Variants in SYTL2 observed in about 807,000 individuals in gnomAD.
SYTL2 encodes the protein synaptotagmin-like protein 2.
A neutral mutation model predicts 198.7 loss-of-function variants in SYTL2; 165 were observed. The ratio of observed to expected loss-of-function variants is 0.83; its 90% CI spans 0.73 to 0.94. SYTL2 has a LOEUF of 0.94. Among genes scored for constraint, SYTL2 ranks in the 40% least tolerant of loss-of-function variants. The probability of loss-of-function intolerance (pLI) is 0.00; values close to 1 mark genes in which losing one functional copy is unlikely to be tolerated. For missense variants in SYTL2, 2,835 were observed against 2,582.8 expected (o/e 1.10, Z -2.12); for synonymous variants, 966 against 917.7 (o/e 1.05, Z -0.95).
At chr11:85,764,212 G>C (rs961418094) in intron 1 of SYTL2, among the ~76,000 whole-genome samples, 2 of 152,168 alleles carry the variant, frequency 1.3e-5, no homozygotes, top group East Asian at 1.9e-4. Flanking sequence ...CTTAGTTGAG[G>C]GGATAAAAAA....
At chr11:85,755,672 A>G (rs1591923929) in intron 2 of SYTL2, among the ~76,000 whole-genome samples, 1 of 152,186 alleles carries the variant, frequency 6.6e-6, no homozygotes, top group African/African-American at 2.4e-5. Flanking sequence ...TCATCAACCA[A>G]TGCAAGTGCC....
the SYTL2 span, among the ~76,000 whole-genome samples, chr11:85,842,332 T>A: frequency 6.6e-6 from 1 of 152,214 alleles, no homozygotes; most frequent in Non-Finnish European, 1.5e-5. Flanking sequence ...TTAGCCCCTG[T>A]AGGCTATTGG....
Position 85,802,220 on chromosome 11 carries a change from C to CTTT in SYTL2, c.-390+8731_-390+8733dup, listed in dbSNP as rs5793172. On this transcript the variant is annotated intron_variant, in intron 1 of 19. Coordinates refer to ENST00000359152, the MANE Select transcript of SYTL2 (RefSeq NM_206927.4). ...CACTCTCTTTTCTTCTTTTTCTTTT[C>CTTT]TTTTTTTTTTTTTTTTTGTGAGCCG... Among the ~76,000 whole-genome samples the CTTT allele has an allele frequency of 3.9e-4, 48 of 122,554 alleles. 1 individual carries two copies. The highest frequency in any genetic ancestry group is 5.5e-4 in the African/African-American group (18 of 32,570). 80.4% of individuals were successfully genotyped at this position (122,554 alleles called of 152,430 possible).
chr11:85,782,170 A>G (rs921754647), intron 1 of SYTL2, among the ~76,000 whole-genome samples: 22 of 152,254 alleles, frequency 1.4e-4, no homozygotes, highest in African/African-American at 5.3e-4. Context: ...CCAAACGTCA[A>G]TTCTTGACTT....
intron 2 of SYTL2, among the ~76,000 whole-genome samples, chr11:85,754,847 C>A (rs2091762300): frequency 6.6e-6 from 1 of 152,154 alleles, no homozygotes; most frequent in African/African-American, 2.4e-5. Context: ...CAAACCCTTA[C>A]TGTTCCTTTC....
chr11:85,755,598 T>C (rs1468293965), intron 2 of SYTL2, among the ~76,000 whole-genome samples: 7 of 152,142 alleles, frequency 4.6e-5, no homozygotes, highest in Non-Finnish European at 7.4e-5. Flanking sequence ...TGCCAGAGGG[T>C]ACACACTCAC....
Position 85,709,369 on chromosome 11 carries a change from G to C in SYTL2, c.5877C>G (p.Asp1959Glu), listed in dbSNP as rs116273188. ...GTTTTTTTACATCCGCTGCTGCTAA[G>C]TCCTTACACTGGGCCACAAAAACAT... ...ELHVFVAQCK[D>E]LAAADVKKQR... The change falls in exon 14 of 20, where the codon GAC becomes GAG. Residue 1959 changes from aspartate to glutamate, a missense_variant. Asp to Glu is a conservative substitution (Grantham distance 45). This residue lies in a region of SYTL2 where 2,645 missense variants were observed against 2,381.7 expected (regional missense o/e 1.11). Transcript: ENST00000359152. The C allele has an allele frequency of 2.3e-5, 37 of 1,614,104 alleles. No homozygotes were observed. In the East Asian group the frequency reaches 8.0e-4, roughly 35 times the overall value.
chr11:85,778,032 T>G (rs2092487039), intron 1 of SYTL2, among the ~76,000 whole-genome samples: 1 of 152,062 alleles, frequency 6.6e-6, no homozygotes, highest in Non-Finnish European at 1.5e-5. Flanking sequence ...TTGGCCAGGC[T>G]GGTCTCCAAC....
intron 8 of SYTL2, among the ~76,000 whole-genome samples, chr11:85,721,389 T>A (rs1013632971): frequency 2.6e-5 from 4 of 152,062 alleles, no homozygotes; most frequent in Non-Finnish European, 5.9e-5. Flanking sequence ...CTGTGTATAA[T>A]TGGGTACACA....
the SYTL2 span, among the ~76,000 whole-genome samples, chr11:85,839,807 G>C: frequency 6.6e-6 from 1 of 152,136 alleles, no homozygotes; most frequent in African/African-American, 2.4e-5. Context: ...CCCAGCAGTG[G>C]AATTGCTAGA....
At chr11:85,845,768 T>C in the SYTL2 span, among the ~76,000 whole-genome samples, 2 of 151,862 alleles carry the variant, frequency 1.3e-5, no homozygotes, top group African/African-American at 4.8e-5. Flanking sequence ...ACACAAAAAT[T>C]AGCCGGGCAT....
Position 85,726,707 on chromosome 11 carries a change from AT to A in SYTL2, c.2650del (p.Ile884Ter), listed in dbSNP as rs1355432021. Reference sequence around the variant, plus strand: ...AAGATAGTATCTGGATGGACCTGCTATTTGTGGCTTGGTCTCTTTAGATTTA... The same window carrying A: ...AAGATAGTATCTGGATGGACCTGCTATTGTGGCTTGGTCTCTTTAGATTTA... ...SNKSKETKPQ[I>X]AGPSRYYLSA... On this transcript the variant is annotated frameshift_variant, in exon 8 of 20. Transcript: ENST00000359152. LOFTEE classifies it high-confidence loss of function. 2.3e-5 allele frequency: 35 copies of A among 1,536,096 alleles called. No homozygotes were observed. Among genetic ancestry groups the A allele is most frequent in the Non-Finnish European group, 2.9e-5 (33 of 1,146,930 alleles).
intron 1 of SYTL2, among the ~76,000 whole-genome samples, chr11:85,773,877 T>A (rs1337514549): frequency 6.6e-6 from 1 of 152,214 alleles, no homozygotes; most frequent in African/African-American, 2.4e-5. Flanking sequence ...ATTAAATTTG[T>A]CCCTGAAAAA....
chr11:85,724,344 C>T lies in SYTL2; in HGVS notation c.5014G>A (p.Glu1672Lys). The T allele has an allele frequency of 6.3e-7, 1 of 1,583,802 alleles. No homozygotes were observed. The highest frequency in any genetic ancestry group is 8.6e-7 in the Non-Finnish European group (1 of 1,167,922). Residue 1672 changes from glutamate (E) to lysine (K), a missense_variant, in exon 8 of 20, where the codon GAA becomes AAA. By Grantham distance (56) the Glu-to-Lys change is moderately conservative. This residue lies in a region of SYTL2 where 2,645 missense variants were observed against 2,381.7 expected (regional missense o/e 1.11). Coordinates refer to ENST00000359152, the MANE Select transcript of SYTL2 (RefSeq NM_206927.4). The stretch of plus-strand genomic sequence containing the variant: ...GTTACAGTTTTAATGGTCCCTATTT[C>T]ATGAGCCACATAAAGTTGTGGGGTT... ...PRTPQLYVAH[E>K]IGTIKTVTPP...
the SYTL2 span, among the ~76,000 whole-genome samples, chr11:85,851,112 C>T: frequency 1.3e-5 from 2 of 151,670 alleles, no homozygotes; most frequent in East Asian, 3.9e-4. Flanking sequence ...ACCAGCATGG[C>T]ACATGTATAC....
chr11:85,700,631 C>T (rs200235761), intron 16 of SYTL2, 38 bp from the exon 17 acceptor site: 4 of 1,500,778 alleles, frequency 2.7e-6, no homozygotes, highest in South Asian at 1.1e-5. Context: ...GGGAGACAAA[C>T]TTTTCATCCT....
chr11:85,812,687 G>A (rs913656486), upstream of SYTL2, among the ~76,000 whole-genome samples: 1 of 152,184 alleles, frequency 6.6e-6, no homozygotes, highest in Non-Finnish European at 1.5e-5. Flanking sequence ...CAGAGAGGCA[G>A]GCAGAGACAT....
At position 85,725,769 on chromosome 11, in the gene SYTL2, T is replaced by C. The variant is rs1565926132; in HGVS notation, c.3589A>G (p.Lys1197Glu). The change falls in exon 8 of 20, where the codon AAA (lysine) becomes GAA (glutamate). Residue 1197 changes from lysine (K) to glutamate (E), a missense_variant. Lys to Glu is a moderately conservative substitution (Grantham distance 56). Transcript: ENST00000359152. ...PEKIINEHVD[K>E]TVVHPKVKRN... is the part of the protein sequence containing the mutation. ...TTAACCTTTGGATGAACTACTGTTT[T>C]GTCAACATGCTCATTAATGATCTTC... 1 of 1,614,200 alleles carries C rather than the reference T, an allele frequency of 6.2e-7. No homozygotes were observed. The highest frequency in any genetic ancestry group is 2.2e-5 in the East Asian group (1 of 44,882).
chr11:85,784,908 T>A (rs536111780), intron 1 of SYTL2, among the ~76,000 whole-genome samples: 1 of 152,204 alleles, frequency 6.6e-6, no homozygotes, highest in South Asian at 2.1e-4. Flanking sequence ...ATTTCTTTCA[T>A]CCTCGGAATC....
Sources: gnomAD v4.1 joint callset for allele counts (sites outside exome capture counted in the v4.1 genomes callset) on GRCh38, gnomAD v4.1.1 for gene constraint, gnomAD v4.1.1 regional missense constraint, MANE v1.5 for transcripts, NCBI Gene and HGNC (gene_info 2026-07-23, HGNC 2026-07-21) for gene names.